Variants in MTARC1 observed in about 807,000 individuals in gnomAD.
MTARC1 encodes mitochondrial amidoxime reducing component 1, also known as mitochondrial amidoxime-reducing component 1.
MTARC1 carries 24 observed loss-of-function variants against 33.6 expected under a neutral mutation model. That is an observed-to-expected ratio of 0.72 (90% CI 0.52 to 1.01). MTARC1 has a LOEUF of 1.01. Ranked by LOEUF, MTARC1 falls within the 50% of genes least tolerant of loss-of-function variation. The pLI is 0.00. For synonymous variants in MTARC1, 187 were observed against 189.5 expected (o/e 0.99, Z 0.11); for missense variants, 417 against 445.7 (o/e 0.94, Z 0.58).
rs750321803 is a variant in MTARC1, at chr1:220,816,741, C to G, written c.*3323C>G. The G allele has an allele frequency of 1.3e-5, 2 of 152,188 alleles. No individual in the cohort carries two copies. The highest frequency in any genetic ancestry group is 4.8e-5 in the African/African-American group (2 of 41,436). The allele number at this position is 152,188 out of a possible 1,614,324, so 9.4% of individuals were successfully genotyped here. On this transcript the variant is annotated 3_prime_UTR_variant, in exon 7 of 7. Transcript: ENST00000366910. ...AAAAGTTCCCGCCAAGTGAAGGAGA[C>G]CTATCTTGGGACACTTCCCCTTGTC...
intron 1 of MTARC1, among the ~76,000 whole-genome samples, chr1:220,789,655 A>G (rs1193938331): frequency 6.6e-6 from 1 of 152,214 alleles, no homozygotes; most frequent in East Asian, 1.9e-4. Flanking sequence ...AAAAGGTGGA[A>G]ACAACTAAGT....
intron 6 of MTARC1, among the ~76,000 whole-genome samples, chr1:220,810,460 G>T (rs1189541398): frequency 6.6e-6 from 1 of 152,084 alleles, no homozygotes; most frequent in African/African-American, 2.4e-5. Flanking sequence ...CCGGCCCACC[G>T]AGAACCCCTT....
chr1:220,786,951 G>A lies in MTARC1; in HGVS notation c.7G>A (p.Ala3Thr), dbSNP rs1325062156. The A allele has an allele frequency of 3.2e-6, 4 of 1,240,118 alleles. No homozygotes were observed. The highest frequency in any genetic ancestry group is 4.0e-6 in the Non-Finnish European group (4 of 994,390). The allele number at this position is 1,240,118 out of a possible 1,614,324, so 76.8% of individuals were successfully genotyped here. A position where few individuals can be genotyped will look rare whatever the true frequency, so the allele number is the denominator to read the frequency against. Residue 3 changes from alanine to threonine, a missense_variant, in exon 1 of 7, where the codon GCC (alanine) becomes ACC (threonine). Physicochemically the swap from Ala to Thr is moderately conservative, Grantham distance 58. Coordinates refer to ENST00000366910, the MANE Select transcript of MTARC1 (RefSeq NM_022746.4). ...CCTCGCGGAGAAGCCAGCCATGGGC[G>A]CCGCCGGCTCCTCCGCGCTGGCGCG... is the stretch of plus-strand genomic sequence containing the variant. MG[A>T]AGSSALARFV...
At chr1:220,810,465 C>T (rs1181859633) in intron 6 of MTARC1, among the ~76,000 whole-genome samples, 1 of 152,002 alleles carries the variant, frequency 6.6e-6, no homozygotes, top group Non-Finnish European at 1.5e-5. Flanking sequence ...CCACCGAGAA[C>T]CCCTTTTCCA....
intron 2 of MTARC1, among the ~76,000 whole-genome samples, chr1:220,795,785 G>A (rs892415901): frequency 6.6e-6 from 1 of 152,166 alleles, no homozygotes; most frequent in African/African-American, 2.4e-5. Context: ...CCTAAGGTGT[G>A]TTCTTTCTTT....
intron 1 of MTARC1, among the ~76,000 whole-genome samples, chr1:220,787,660 G>A (rs989662078): frequency 3.3e-5 from 5 of 152,096 alleles, no homozygotes; most frequent in African/African-American, 1.2e-4. Context: ...CTCCAAGAGC[G>A]CACCAAGGCG....
chr1:220,794,529 C>T (rs1051742116), intron 2 of MTARC1, among the ~76,000 whole-genome samples: 8 of 142,994 alleles, frequency 5.6e-5, no homozygotes, highest in South Asian at 4.6e-4. Context: ...AATAAGAAAA[C>T]GATAGGATCT....
intron 6 of MTARC1, among the ~76,000 whole-genome samples, chr1:220,810,696 G>A (rs1673105767): frequency 6.6e-6 from 1 of 152,208 alleles, no homozygotes; most frequent in African/African-American, 2.4e-5. Context: ...GAAGGGATAG[G>A]TGAAAAATGT....
rs888369030 is a variant in MTARC1, at chr1:220,819,311, T to C, written c.*5893T>C. On this transcript the variant is annotated 3_prime_UTR_variant, in exon 7 of 7. Transcript: ENST00000366910. Reference sequence around the variant, plus strand: ...AACCATAATCTGCCCTCAGTCATCATAAATATAAATGTATTGGTCAAACAG... The same window carrying C: ...AACCATAATCTGCCCTCAGTCATCACAAATATAAATGTATTGGTCAAACAG... 6.6e-6 allele frequency: 1 copy of C among 152,250 alleles called. No homozygotes were observed. Among genetic ancestry groups the C allele is most frequent in the Admixed American group, 6.5e-5 (1 of 15,284 alleles). The allele number at this position is 152,250 out of a possible 1,614,324, so 9.4% of individuals were successfully genotyped here. A position where few individuals can be genotyped will look rare whatever the true frequency, so the allele number is the denominator to read the frequency against.
In MTARC1 at chr1:220,813,885, G is replaced by T. The variant is rs556779078; in HGVS notation, c.*467G>T. 1 of 158,196 alleles carries T rather than the reference G, an allele frequency of 6.3e-6. No homozygotes were observed. Among genetic ancestry groups the T allele is most frequent in the African/African-American group, 2.4e-5 (1 of 41,528 alleles). 9.8% of individuals were successfully genotyped at this position (158,196 alleles called of 1,614,324 possible). On this transcript the variant is annotated 3_prime_UTR_variant, in exon 7 of 7. Transcript: ENST00000366910. ...TTAAATTGCACCCCAAATATGGCTG[G>T]AATGCCACTTCCCTTTTCTTCTCAA...
rs60326124 is a variant in MTARC1, at chr1:220,792,375, G to A, written c.449+711G>A. Among the ~76,000 whole-genome samples, 1,393 of 152,296 alleles carry A rather than the reference G, an allele frequency of 9.1e-3. 11 individuals carry two copies. The highest frequency in any genetic ancestry group is 0.059 in the East Asian group (308 of 5,182). ...TTCTTATCTGATTATGGGAAAATTA[G>A]AGTTGGTCCAGTTATATTCTTGTTA... On this transcript the variant is annotated intron_variant, in intron 2 of 6. Transcript: ENST00000366910.
At chr1:220,803,199 G>A (rs1286081010) in intron 4 of MTARC1, among the ~76,000 whole-genome samples, 1 of 152,140 alleles carries the variant, frequency 6.6e-6, no homozygotes, top group Non-Finnish European at 1.5e-5. Flanking sequence ...GTCTTACATG[G>A]TGGCAGGCAA....
intron 6 of MTARC1, 86 bp from the exon 7 acceptor site, chr1:220,813,206 A>G (rs1673191835): frequency 6.3e-7 from 1 of 1,579,206 alleles, no homozygotes; most frequent in Non-Finnish European, 8.7e-7. Flanking sequence ...GTGCGTGCGG[A>G]GGCCCTGTGT....
intron 6 of MTARC1, among the ~76,000 whole-genome samples, chr1:220,812,482 A>G (rs1673165744): frequency 6.6e-6 from 1 of 152,244 alleles, no homozygotes; most frequent in East Asian, 1.9e-4. Context: ...GCATGCTGGA[A>G]GCAAGATCGT....
intron 6 of MTARC1, 123 bp downstream of exon 6, chr1:220,805,397 G>GACT: frequency 9.7e-7 from 1 of 1,031,588 alleles, no homozygotes; most frequent in Non-Finnish European, 1.5e-6. Context: ...TGAAACTCAA[G>GACT]AGGGTCCCAT....
rs960858619 is a variant in MTARC1 at position 220,806,131 on chromosome 1, C to T, written c.887+857C>T. Among the ~76,000 whole-genome samples the T allele has an allele frequency of 6.6e-5, 10 of 152,178 alleles. 1 individual carries two copies. The highest frequency in any genetic ancestry group is 1.4e-4 in the African/African-American group (6 of 41,442). ...TTCTATAATTACTCTGCATTACTTT[C>T]GTGAAAACAACAATAACAGTTTAGC... On this transcript the variant is annotated intron_variant, in intron 6 of 6. Coordinates refer to ENST00000366910, the MANE Select transcript of MTARC1 (RefSeq NM_022746.4).
Position 220,817,131 on chromosome 1 carries a change from A to G in MTARC1, c.*3713A>G, listed in dbSNP as rs11118611. ...CTTCTTTTTTTTGAGACAGTGTCTC[A>G]CTCTGTTGCCAGGCTGGAGTGCAGT... On this transcript the variant is annotated 3_prime_UTR_variant, in exon 7 of 7. Coordinates refer to ENST00000366910, the MANE Select transcript of MTARC1 (RefSeq NM_022746.4). 0.3 allele frequency: 44,081 copies of G among 148,898 alleles called. 6,432 individuals carry two copies. Among genetic ancestry groups the G allele is most frequent in the Admixed American group, 0.32 (4,760 of 14,896 alleles). 9.2% of individuals were successfully genotyped at this position (148,898 alleles called of 1,614,324 possible). A position where few individuals can be genotyped will look rare whatever the true frequency, so the allele number is the denominator to read the frequency against.
At chr1:220,789,274 T>G (rs1167276109) in intron 1 of MTARC1, among the ~76,000 whole-genome samples, 2 of 152,130 alleles carry the variant, frequency 1.3e-5, no homozygotes, top group Admixed American at 6.6e-5. Flanking sequence ...GGGAATAAGC[T>G]GGGCAAAGAC....
At chr1:220,798,810 CT>C (rs1672699391) in intron 4 of MTARC1, 13 of 968,930 alleles carry the variant, frequency 1.3e-5, no homozygotes, top group Non-Finnish European at 1.6e-5. Context: ...GTTCTTACGT[CT>C]GCCCATTTCC....
Sources: allele counts gnomAD v4.1 joint callset (sites outside exome capture counted in the v4.1 genomes callset), GRCh38; gene constraint gnomAD v4.1.1; transcripts MANE v1.5; gene names NCBI Gene and HGNC (gene_info 2026-07-23, HGNC 2026-07-21).